The following BANK1 variants were observed in gnomAD, a reference collection of about 807,000 sequenced individuals.
The protein encoded by BANK1 is B-cell scaffold protein with ankyrin repeats.
BANK1 carries 95 observed loss-of-function variants against 94.5 expected under a neutral mutation model. The ratio of observed to expected loss-of-function variants is 1.00; its 90% CI spans 0.85 to 1.19. BANK1 has a LOEUF of 1.19. Ranked by LOEUF, BANK1 falls within the 50% of genes most tolerant of loss-of-function variation. The pLI is 0.00. For missense variants in BANK1, 987 were observed against 932.2 expected (o/e 1.06, Z -0.77); for synonymous variants, 334 against 308.4 (o/e 1.08, Z -0.87).
intron 7 of BANK1, among the ~76,000 whole-genome samples, chr4:101,978,437 G>A (rs1725210030): frequency 6.6e-6 from 1 of 151,980 alleles, no homozygotes; most frequent in Admixed American, 6.6e-5. Flanking sequence ...GTACCTGGAA[G>A]GTAGTAAGTA....
intron 10 of BANK1, among the ~76,000 whole-genome samples, chr4:102,031,740 A>G (rs937540164): frequency 1.1e-4 from 16 of 152,190 alleles, no homozygotes; most frequent in Non-Finnish European, 2.2e-4. Flanking sequence ...ACATTTAAAT[A>G]TATACCACAG....
rs141052872 is a variant in BANK1, at chr4:101,844,169, A to G, written c.470-10866A>G. Among the ~76,000 whole-genome samples the G allele has an allele frequency of 1.3e-3, 197 of 152,294 alleles. 1 individual carries two copies. The highest frequency in any genetic ancestry group is 8.4e-3 in the Admixed American group (129 of 15,294). On this transcript the variant is annotated intron_variant, in intron 2 of 16. Transcript: ENST00000322953. ...TATCTAATGAAAGGGACAGGAAAGT[A>G]AATAATATGTAAATAATGTAATGCA...
chr4:102,040,505 A>G (rs1269975304), intron 10 of BANK1, among the ~76,000 whole-genome samples: 2 of 151,896 alleles, frequency 1.3e-5, no homozygotes, highest in African/African-American at 4.8e-5. Flanking sequence ...ATAAGATTTC[A>G]CTGGGGAGAG....
intron 3 of BANK1, among the ~76,000 whole-genome samples, chr4:101,856,046 G>A (rs115465152): frequency 9.9e-5 from 15 of 152,274 alleles, no homozygotes; most frequent in Admixed American, 1.3e-4. Context: ...ACAGGAGAGC[G>A]TTATGGGAGT....
intron 7 of BANK1, among the ~76,000 whole-genome samples, chr4:101,928,203 G>A (rs545655616): frequency 1.3e-5 from 2 of 151,706 alleles, no homozygotes; most frequent in South Asian, 4.2e-4. Context: ...ATACTTTGGG[G>A]ACAATTCTGA....
intron 1 of BANK1, among the ~76,000 whole-genome samples, chr4:101,805,753 C>G (rs911222492): frequency 6.6e-6 from 1 of 151,678 alleles, no homozygotes. Flanking sequence ...TATGTCCAAT[C>G]TTAAACTAAC....
Position 101,864,837 on chromosome 4 carries a change from T to C in BANK1, c.763+2173T>C, listed in dbSNP as rs1041905916. 3.9e-5 allele frequency among the ~76,000 whole-genome samples: 6 copies of C among 152,206 alleles called. No individual in the cohort carries two copies. The East Asian group carries it at 9.6e-4, about 24-fold the overall frequency. On this transcript the variant is annotated intron_variant, in intron 4 of 16. Transcript: ENST00000322953. Reference sequence around the variant, plus strand: ...GAGGGGAGGAGGACCCAGTAAGTCCTGTCTGTCCAGATTTTTGCTGGCTTC... The same window carrying C: ...GAGGGGAGGAGGACCCAGTAAGTCCCGTCTGTCCAGATTTTTGCTGGCTTC...
chr4:102,042,362 C>T (rs1332810516), intron 10 of BANK1, among the ~76,000 whole-genome samples: 2 of 151,982 alleles, frequency 1.3e-5, no homozygotes, highest in African/African-American at 4.8e-5. Flanking sequence ...CATGTACTAA[C>T]TTGAAGCAGA....
At chr4:101,827,002 T>TTCTA (rs1205784930) in intron 1 of BANK1, among the ~76,000 whole-genome samples, 1 of 151,956 alleles carries the variant, frequency 6.6e-6, no homozygotes, top group East Asian at 1.9e-4. Flanking sequence ...TGCTCTGTTT[T>TTCTA]CAGAGGAAGA....
At chr4:101,860,177 T>A (rs556878193) in intron 3 of BANK1, among the ~76,000 whole-genome samples, 1 of 152,212 alleles carries the variant, frequency 6.6e-6, no homozygotes. Context: ...TAGTTTACGG[T>A]GCAAAATGAA....
intron 6 of BANK1, among the ~76,000 whole-genome samples, chr4:101,909,678 G>A (rs957226136): frequency 2.6e-5 from 4 of 152,200 alleles, no homozygotes; most frequent in African/African-American, 9.6e-5. Flanking sequence ...CAATGCTGCA[G>A]AGATTTTGTT....
intron 7 of BANK1, among the ~76,000 whole-genome samples, chr4:101,986,643 G>A (rs1282939773): frequency 6.6e-6 from 1 of 151,028 alleles, no homozygotes; most frequent in African/African-American, 2.4e-5. Context: ...ACTCTGAACT[G>A]GGCTACCCTA....
chr4:102,065,740 G>A (rs903389774), intron 13 of BANK1, among the ~76,000 whole-genome samples: 1 of 151,820 alleles, frequency 6.6e-6, no homozygotes, highest in Non-Finnish European at 1.5e-5. Flanking sequence ...GAACCAAGTA[G>A]AAAGTATAGA....
chr4:102,035,702 T>C (rs1421154507), intron 10 of BANK1, among the ~76,000 whole-genome samples: 1 of 152,126 alleles, frequency 6.6e-6, no homozygotes, highest in African/African-American at 2.4e-5. Context: ...AAGATATATG[T>C]TTCTGATTTT....
chr4:101,938,608 A>G (rs1274955413), intron 7 of BANK1, among the ~76,000 whole-genome samples: 1 of 151,640 alleles, frequency 6.6e-6, no homozygotes, highest in Non-Finnish European at 1.5e-5. Context: ...TTAAAAGTAA[A>G]AAAGTTACCA....
At chr4:101,791,779 A>G (rs1724996350) in intron 1 of BANK1, among the ~76,000 whole-genome samples, 1 of 152,152 alleles carries the variant, frequency 6.6e-6, no homozygotes, top group Admixed American at 6.5e-5. Context: ...AGGTAATGTA[A>G]TTTTGGTTGT....
chr4:101,855,246 GGTT>G (rs1431983845), intron 3 of BANK1, 57 bp downstream of exon 3: 45 of 1,501,010 alleles, frequency 3.0e-5, no homozygotes, highest in Admixed American at 1.6e-4. Context: ...TGGTGGTGGT[GGTT>G]GTTGTTGTTT....
intron 1 of BANK1, among the ~76,000 whole-genome samples, chr4:101,798,773 G>C (rs374557610): frequency 1.3e-5 from 2 of 152,066 alleles, no homozygotes; most frequent in African/African-American, 4.8e-5. Context: ...TGAGAAGTGT[G>C]TGTTCATATC....
At chr4:101,965,592 G>A (rs972731167) in intron 7 of BANK1, among the ~76,000 whole-genome samples, 17 of 152,092 alleles carry the variant, frequency 1.1e-4, no homozygotes, top group African/African-American at 4.1e-4. Flanking sequence ...ATACATCTCT[G>A]TGAAGCCACA....
Sources: allele counts gnomAD v4.1 joint callset (sites outside exome capture counted in the v4.1 genomes callset), GRCh38; gene constraint gnomAD v4.1.1; transcripts MANE v1.5; gene names NCBI Gene and HGNC (gene_info 2026-07-23, HGNC 2026-07-21).